Variants in DMD observed in about 807,000 individuals in gnomAD.
The protein encoded by DMD is dystrophin.
Under a neutral mutation model 330.1 loss-of-function variants are expected in DMD, and 63 were observed. The observed-to-expected ratio is 0.19, with a 90% CI of 0.16 to 0.24. The LOEUF is 0.24. DMD is among the 10% of genes least tolerant of loss of function. The pLI, the probability that DMD is intolerant of heterozygous loss-of-function variation, is 1.00. For synonymous variants in DMD, 1,223 were observed against 959.8 expected (o/e 1.27, Z -5.07); for missense variants, 3,344 against 2,684.1 (o/e 1.25, Z -5.43).
intron 30 of DMD, among the ~76,000 whole-genome samples, chrX:32,400,176 G>C (rs911879983): frequency 8.0e-5 from 9 of 111,891 alleles, no homozygotes; most frequent in African/African-American, 2.9e-4. Context: ...AAGCGTTGTT[G>C]AATTTTGTCA....
chrX:31,663,127 T>C (rs1302733644), intron 53 of DMD, among the ~76,000 whole-genome samples: 1 of 111,853 alleles, frequency 8.9e-6, no homozygotes. Flanking sequence ...CAGAAGAGCA[T>C]GAGAAAGGGT....
chrX:32,240,279 C>G (rs1260452172), intron 43 of DMD, among the ~76,000 whole-genome samples: 1 of 111,706 alleles, frequency 9.0e-6, no homozygotes, highest in Non-Finnish European at 1.9e-5. Context: ...GAAATCCTCA[C>G]CCTCAAGGTG....
intron 1 of DMD, among the ~76,000 whole-genome samples, chrX:33,163,658 A>ATC (rs1267403671): frequency 2.8e-5 from 3 of 108,826 alleles, no homozygotes; most frequent in African/African-American, 1.0e-4. Flanking sequence ...CTATCTATCT[A>ATC]TATAAAGTTT....
intron 44 of DMD, among the ~76,000 whole-genome samples, chrX:32,121,937 T>C: frequency 9.1e-6 from 1 of 109,559 alleles, no homozygotes. Context: ...GGAGTAAACG[T>C]GAATATGAGG....
At chrX:32,422,615 T>G (rs186128708) in intron 29 of DMD, among the ~76,000 whole-genome samples, 1 of 111,741 alleles carries the variant, frequency 8.9e-6, no homozygotes, top group African/African-American at 3.3e-5. Context: ...TCCAATTTTC[T>G]TTGATACTTT....
chrX:32,573,538 T>C lies in DMD; in HGVS notation c.1804A>G (p.Lys602Glu), dbSNP rs941263178. The change falls in exon 15 of 79, where the codon AAA becomes GAA. Residue 602 changes from lysine (K) to glutamate (E), a missense_variant. By Grantham distance (56) the Lys-to-Glu change is moderately conservative. Coordinates refer to ENST00000357033, the MANE Select transcript of DMD (RefSeq NM_004006.3). ...AGCTAGAAAGTACATACGGCCAGTTTTTGAAGACTTGATAACATTTCATTT... is the reference window on the plus strand; with the variant it reads ...AGCTAGAAAGTACATACGGCCAGTTCTTGAAGACTTGATAACATTTCATTT... Reference protein sequence around the residue: ...DQNEMLSSLQKLAVLKADLEK... With the variant: ...DQNEMLSSLQELAVLKADLEK... The C allele has an allele frequency of 1.7e-6, 2 of 1,209,863 alleles. No homozygotes were observed. Among genetic ancestry groups the C allele is most frequent in the Non-Finnish European group, 2.2e-6 (2 of 893,804 alleles).
chrX:31,254,635 G>T (rs2049743878), intron 63 of DMD, among the ~76,000 whole-genome samples: 1 of 111,873 alleles, frequency 8.9e-6, no homozygotes, highest in African/African-American at 3.2e-5. Context: ...AAAGTGCTAG[G>T]ATTACAAATG....
chrX:31,906,207 C>T (rs887850031), intron 47 of DMD, among the ~76,000 whole-genome samples: 4 of 112,024 alleles, frequency 3.6e-5, no homozygotes, highest in African/African-American at 1.3e-4. Context: ...AAGGTGTTTG[C>T]TTCCCCATCT....
chrX:32,577,919 C>G (rs1489160865), intron 13 of DMD, among the ~76,000 whole-genome samples: 1 of 112,183 alleles, frequency 8.9e-6, no homozygotes, highest in Non-Finnish European at 1.9e-5. Flanking sequence ...GCCATATGCA[C>G]AAGTATAAAT....
chrX:31,207,452 C>T (rs762221740), intron 65 of DMD, among the ~76,000 whole-genome samples: 24 of 111,291 alleles, frequency 2.2e-4, no homozygotes, highest in African/African-American at 7.8e-4. Flanking sequence ...GAAAAGTTTT[C>T]CATTTTGTAG....
At position 32,256,425 on chromosome X, in the gene DMD, C is replaced by G. The variant is rs192929696; in HGVS notation, c.6290+31104G>C. Among the ~76,000 whole-genome samples, 1,004 of 109,294 alleles carry G rather than the reference C, an allele frequency of 9.2e-3. 8 individuals are homozygous for G. Among genetic ancestry groups the G allele is most frequent in the Non-Finnish European group, 0.014 (754 of 52,618 alleles). 94.9% of individuals were successfully genotyped at this position (109,294 alleles called of 115,157 possible). ...GTGTGTGTTTGCATGTGAGATGGGT[C>G]TCCTGAATACACCACACTGATGGTC... On this transcript the variant is annotated intron_variant, in intron 43 of 78. Transcript: ENST00000357033.
intron 11 of DMD, among the ~76,000 whole-genome samples, chrX:32,620,522 A>G (rs1214754365): frequency 8.9e-6 from 1 of 112,548 alleles, no homozygotes; most frequent in Non-Finnish European, 1.9e-5. Flanking sequence ...TTATGAGAAT[A>G]AACTTTCATT....
At chrX:33,228,629 T>C (rs945893002) in intron 1 of DMD, among the ~76,000 whole-genome samples, 3 of 109,367 alleles carry the variant, frequency 2.7e-5, no homozygotes, top group East Asian at 2.9e-4. Flanking sequence ...AGCAGTTAAA[T>C]ACATTAGAAA....
chrX:32,765,684 T>A (rs2072899168), intron 7 of DMD, among the ~76,000 whole-genome samples: 1 of 111,925 alleles, frequency 8.9e-6, no homozygotes, highest in Non-Finnish European at 1.9e-5. Flanking sequence ...TGGTGTTCAT[T>A]CATGCACAGA....
At chrX:31,894,531 C>T (rs1040397438) in intron 47 of DMD, among the ~76,000 whole-genome samples, 3 of 111,819 alleles carry the variant, frequency 2.7e-5, no homozygotes, top group Non-Finnish European at 3.8e-5. Context: ...GAGGACCTTA[C>T]GTCCCGGGGG....
intron 1 of DMD, among the ~76,000 whole-genome samples, chrX:33,083,711 C>A (rs1332716032): frequency 9.0e-6 from 1 of 111,717 alleles, no homozygotes; most frequent in Non-Finnish European, 1.9e-5. Flanking sequence ...AGTATCCCTT[C>A]CAAACTATCC....
chrX:32,485,093 C>A lies in DMD; in HGVS notation c.2629G>T (p.Val877Phe). 1.7e-6 allele frequency: 2 copies of A among 1,208,906 alleles called. No homozygotes were observed. The highest frequency in any genetic ancestry group is 1.8e-5 in the South Asian group (1 of 56,931). ...KSQLKICKDE[V>F]NRLSDLQPQI... ...GGTTGAAGATCTGATAGCCGGTTGACTTCATCCTGTGCCATAGAGTATGGA... is the reference window on the plus strand; with the variant it reads ...GGTTGAAGATCTGATAGCCGGTTGAATTCATCCTGTGCCATAGAGTATGGA... The change falls in exon 21 of 79, where the codon GTC (valine) becomes TTC (phenylalanine). Residue 877 changes from valine (V) to phenylalanine (F), a missense_variant. Transcript: ENST00000357033.
At chrX:32,810,342 T>TC (rs958218407) in intron 6 of DMD, among the ~76,000 whole-genome samples, 1 of 111,355 alleles carries the variant, frequency 9.0e-6, no homozygotes, top group Non-Finnish European at 1.9e-5. Context: ...AACCCAGACC[T>TC]CTTCCCTAAA....
intron 44 of DMD, among the ~76,000 whole-genome samples, chrX:32,027,144 ACACACACACACACGCACGTG>A (rs889711224): frequency 2.6e-5 from 2 of 75,952 alleles, no homozygotes; most frequent in African/African-American, 5.9e-5. Flanking sequence ...GAGTATTATG[ACACACACACACACGCACGTG>A]CACACACACA....
Sources: allele counts gnomAD v4.1 joint callset (sites outside exome capture counted in the v4.1 genomes callset), GRCh38; gene constraint gnomAD v4.1.1; transcripts MANE v1.5; gene names NCBI Gene and HGNC (gene_info 2026-07-23, HGNC 2026-07-21).